LRIG3: variants seen among roughly 807,000 people sequenced by gnomAD.
The protein encoded by LRIG3 is leucine-rich repeats and immunoglobulin-like domains protein 3.
In LRIG3, 76 loss-of-function variants were observed where a neutral mutation model predicts 114.5. The ratio of observed to expected loss-of-function variants is 0.66; its 90% CI spans 0.55 to 0.80. LRIG3 has a LOEUF of 0.80. LRIG3 is among the 30% of genes least tolerant of loss of function. The pLI is 0.00. For synonymous variants in LRIG3, 512 were observed against 519.8 expected, an observed-to-expected ratio of 0.98 and a Z score of 0.20; for missense variants, 1,239 against 1,382.8, an observed-to-expected ratio of 0.90 and a Z score of 1.65.
At chr12:58,889,059 T>A in intron 5 of LRIG3, 97 bp from the exon 6 acceptor site, 1 of 1,161,688 alleles carries the variant, frequency 8.6e-7, no homozygotes, top group Non-Finnish European at 1.2e-6. Context: ...AACCAGTCAG[T>A]GTTCAATTAC....
Position 58,879,000 on chromosome 12 carries a change from C to A in LRIG3, c.1907G>T (p.Trp636Leu). Residue 636 changes from tryptophan to leucine, a missense_variant, in exon 14 of 19, where the codon TGG becomes TTG. Transcript: ENST00000320743. ...AVGHPAPQIA[W>L]QKDGGTDFPA... ...GAAGTCTGTGCCCCCATCCTTCTGC[C>A]AGGCTATCTGGGGGGCTGGGTGCCC... is the stretch of plus-strand genomic sequence containing the variant. The A allele has an allele frequency of 1.2e-6, 2 of 1,614,198 alleles. No homozygotes were observed. The highest frequency in any genetic ancestry group is 1.7e-5 in the Admixed American group (1 of 60,022).
At chr12:58,874,667 G>A in intron 16 of LRIG3, 94 bp from the exon 17 acceptor site, 2 of 1,507,242 alleles carry the variant, frequency 1.3e-6, no homozygotes, top group Non-Finnish European at 1.8e-6. Context: ...ATAGATGAAA[G>A]TTTGACTAGA....
chr12:58,877,360 C>A (rs1565613526), intron 15 of LRIG3, 40 bp downstream of exon 15: 1 of 1,590,572 alleles, frequency 6.3e-7, no homozygotes, highest in Admixed American at 1.7e-5. Context: ...CACAAATACA[C>A]ATGACTCCGG....
At chr12:58,895,720 T>C (rs1453033995) in intron 3 of LRIG3, among the ~76,000 whole-genome samples, 1 of 152,048 alleles carries the variant, frequency 6.6e-6, no homozygotes, top group East Asian at 1.9e-4. Flanking sequence ...CTGATGGCTG[T>C]GGGTGGAAAG....
intron 13 of LRIG3, 25 bp downstream of exon 13, chr12:58,880,556 C>G: frequency 1.3e-6 from 2 of 1,599,796 alleles, no homozygotes; most frequent in Non-Finnish European, 1.7e-6. Flanking sequence ...TCTTTAAATG[C>G]TAAAGGAAAA....
intron 3 of LRIG3, among the ~76,000 whole-genome samples, chr12:58,907,387 G>A (rs1872105499): frequency 6.6e-6 from 1 of 152,166 alleles, no homozygotes; most frequent in Non-Finnish European, 1.5e-5. Flanking sequence ...GAAGAGAGAA[G>A]TTTTCCTGAA....
intron 6 of LRIG3, 133 bp downstream of exon 6, chr12:58,888,686 T>C: frequency 7.4e-7 from 1 of 1,357,170 alleles, no homozygotes; most frequent in Non-Finnish European, 1.0e-6. Context: ...GAATCAAAAC[T>C]GAATACTGAC....
In LRIG3 at chr12:58,920,293, C is replaced by T. The variant is rs1872627846; in HGVS notation, c.-58G>A. 6 of 1,256,240 alleles carry T rather than the reference C, an allele frequency of 4.8e-6. No homozygotes were observed. The highest frequency in any genetic ancestry group is 6.1e-6 in the Non-Finnish European group (6 of 986,454). 77.8% of individuals were successfully genotyped at this position (1,256,240 alleles called of 1,614,324 possible). A position where few individuals can be genotyped will look rare whatever the true frequency, so the allele number is the denominator to read the frequency against. On this transcript the variant is annotated 5_prime_UTR_variant, in exon 1 of 19. Coordinates refer to ENST00000320743, the MANE Select transcript of LRIG3 (RefSeq NM_153377.5). The stretch of plus-strand genomic sequence containing the variant: ...CTCCCAGCCGGCGCGCGCTCGGGGC[C>T]CGGCACAAACTTCCAGCCGAGGGTG...
chr12:58,911,302 T>C (rs1353698905), intron 3 of LRIG3, among the ~76,000 whole-genome samples: 3 of 152,142 alleles, frequency 2.0e-5, no homozygotes, highest in African/African-American at 7.2e-5. Flanking sequence ...TCCTGGCTCC[T>C]ATAGCTAAGA....
At position 58,879,118 on chromosome 12, in the gene LRIG3, A is replaced by G. The variant is rs1194909260; in HGVS notation, c.1802-13T>C. The G allele has an allele frequency of 8.1e-6, 13 of 1,606,478 alleles. No homozygotes were observed. The Admixed American group carries it at 2.2e-4, about 27-fold the overall frequency. On this transcript the variant is annotated splice_polypyrimidine_tract_variant and intron_variant, in intron 13 of 18. Transcript: ENST00000320743. The stretch of plus-strand genomic sequence containing the variant: ...AATGAGGGAAGCACTGAAATCAGAG[A>G]AACAATATAGGCATTAGCACAGTGG...
At chr12:58,902,788 CA>C (rs1379602709) in intron 3 of LRIG3, among the ~76,000 whole-genome samples, 2 of 140,914 alleles carry the variant, frequency 1.4e-5, no homozygotes, top group Admixed American at 1.6e-4. Flanking sequence ...TCTCATTGTT[CA>C]ATTCCCATCT....
At chr12:58,890,206 T>C in intron 4 of LRIG3, 67 bp from the exon 5 acceptor site, 2 of 1,551,928 alleles carry the variant, frequency 1.3e-6, no homozygotes, top group Non-Finnish European at 1.8e-6. Context: ...AGGCCATCTC[T>C]GTATTAGAAG....
Position 58,876,299 on chromosome 12 carries a change from C to T in LRIG3, c.2695+146G>A, listed in dbSNP as rs1870914369. Reference sequence around the variant, plus strand: ...TAGTATTTAAGAGAACGGTATAGAACTATACAATTTCAACCTTGCTAGTGA... The same window carrying T: ...TAGTATTTAAGAGAACGGTATAGAATTATACAATTTCAACCTTGCTAGTGA... On this transcript the variant is annotated intron_variant, in intron 16 of 18. Coordinates refer to ENST00000320743, the MANE Select transcript of LRIG3 (RefSeq NM_153377.5). The T allele has an allele frequency of 1.7e-5, 13 of 758,360 alleles. No individual in the cohort carries two copies. The South Asian group carries it at 2.4e-4, about 14-fold the overall frequency. The allele number at this position is 758,360 out of a possible 1,614,324, so 47.0% of individuals were successfully genotyped here.
intron 3 of LRIG3, among the ~76,000 whole-genome samples, chr12:58,894,153 C>T (rs1465439342): frequency 6.6e-6 from 1 of 152,182 alleles, no homozygotes; most frequent in Admixed American, 6.5e-5. Flanking sequence ...TAAAAGTATG[C>T]TCCAGCCAAA....
In LRIG3 at chr12:58,914,310, A is replaced by C. The variant is rs1433454271; in HGVS notation, c.263T>G (p.Phe88Cys). ...RLDLSHNRLS[F>C]IKASSMSHLQ... ...GTGGCTCATGGAACTTGCCTTGATGAAAGATAATCTGTTGTGACTTAAGTC... is the reference window on the plus strand; with the variant it reads ...GTGGCTCATGGAACTTGCCTTGATGCAAGATAATCTGTTGTGACTTAAGTC... Residue 88 changes from phenylalanine to cysteine, a missense_variant, in exon 2 of 19, where the codon TTC (phenylalanine) becomes TGC (cysteine). Physicochemically the swap from Phe to Cys is radical, Grantham distance 205. Transcript: ENST00000320743. 5 of 1,613,778 alleles carry C rather than the reference A, an allele frequency of 3.1e-6. No homozygotes were observed. The highest frequency in any genetic ancestry group is 4.2e-6 in the Non-Finnish European group (5 of 1,179,862).
At chr12:58,907,781 T>C (rs977613445) in intron 3 of LRIG3, among the ~76,000 whole-genome samples, 7 of 152,180 alleles carry the variant, frequency 4.6e-5, no homozygotes, top group Non-Finnish European at 1.0e-4. Context: ...CTCAGGGCTC[T>C]CTTCTAATGC....
Position 58,877,806 on chromosome 12 carries a change from C to A in LRIG3, c.2130G>T (p.Lys710Asn). ...TGCACTGTAGGACGGCTGTTTCTCC[C>A]TTGGTTACAGTTCGGTCCAACAGTG... Reference protein sequence around the residue: ...LRPLLDRTVTKGETAVLQCIA... With the variant: ...LRPLLDRTVTNGETAVLQCIA... The change falls in exon 15 of 19, where the codon AAG (lysine) becomes AAT (asparagine). Residue 710 changes from lysine to asparagine, a missense_variant. Physicochemically the swap from Lys to Asn is moderately conservative, Grantham distance 94 (BLOSUM62 0). Coordinates refer to ENST00000320743, the MANE Select transcript of LRIG3 (RefSeq NM_153377.5). 6.2e-7 allele frequency: 1 copy of A among 1,613,926 alleles called. No homozygotes were observed. The highest frequency in any genetic ancestry group is 8.5e-7 in the Non-Finnish European group (1 of 1,179,810).
intron 3 of LRIG3, among the ~76,000 whole-genome samples, chr12:58,896,353 T>C (rs981358365): frequency 1.3e-5 from 2 of 152,216 alleles, no homozygotes; most frequent in Admixed American, 6.5e-5. Context: ...CTCTCTTAAG[T>C]GGATATAAAT....
At position 58,885,919 on chromosome 12, in the gene LRIG3, C is replaced by T; in HGVS notation, c.1173-17G>A. On this transcript the variant is annotated splice_polypyrimidine_tract_variant and intron_variant, in intron 9 of 18. Coordinates refer to ENST00000320743, the MANE Select transcript of LRIG3 (RefSeq NM_153377.5). Reference sequence around the variant, plus strand: ...TGGAGTATCCTGGGGAAAAAAATTACATTGGAGCACTTAATTTAAAAAGCC... The same window carrying T: ...TGGAGTATCCTGGGGAAAAAAATTATATTGGAGCACTTAATTTAAAAAGCC... 2 of 1,545,598 alleles carry T rather than the reference C, an allele frequency of 1.3e-6. No homozygotes were observed. The highest frequency in any genetic ancestry group is 8.8e-7 in the Non-Finnish European group (1 of 1,135,872).
Sources: gnomAD v4.1 joint callset for allele counts (sites outside exome capture counted in the v4.1 genomes callset) on GRCh38, gnomAD v4.1.1 for gene constraint, MANE v1.5 for transcripts, NCBI Gene and HGNC (gene_info 2026-07-23, HGNC 2026-07-21) for gene names.